DOCK2: variants seen among roughly 807,000 people sequenced by gnomAD.
DOCK2 encodes the protein dedicator of cytokinesis 2.
DOCK2 carries 87 observed loss-of-function variants against 248.9 expected under a neutral mutation model. The ratio of observed to expected loss-of-function variants is 0.35; its 90% CI spans 0.29 to 0.42. The LOEUF is 0.42. DOCK2 is among the 10% of genes least tolerant of loss of function. DOCK2 has a pLI of 1.00. For missense variants in DOCK2, 1,747 were observed against 2,300.2 expected, an observed-to-expected ratio of 0.76 and a Z score of 4.92; for synonymous variants, 805 against 821.6, an observed-to-expected ratio of 0.98 and a Z score of 0.35.
chr5:169,872,043 G>C (rs1772011457), intron 27 of DOCK2, among the ~76,000 whole-genome samples: 3 of 152,154 alleles, frequency 2.0e-5, no homozygotes, highest in African/African-American at 7.2e-5. Flanking sequence ...ATGCCAACAA[G>C]CCACTGCCAT....
intron 2 of DOCK2, among the ~76,000 whole-genome samples, chr5:169,661,617 C>G (rs187724411): frequency 1.3e-5 from 2 of 152,250 alleles, no homozygotes; most frequent in African/African-American, 4.8e-5. Flanking sequence ...CCATTTCATT[C>G]CTCCCATCCC....
intron 27 of DOCK2, among the ~76,000 whole-genome samples, chr5:169,892,222 A>G (rs1169836021): frequency 1.3e-5 from 2 of 152,038 alleles, no homozygotes; most frequent in African/African-American, 2.4e-5. Context: ...CTCAAAGCAA[A>G]CCTAAAAACC....
chr5:169,752,573 G>A (rs1164800125), intron 23 of DOCK2, among the ~76,000 whole-genome samples: 6 of 143,398 alleles, frequency 4.2e-5, no homozygotes, highest in Non-Finnish European at 8.9e-5. Flanking sequence ...ACCCTGTCTC[G>A]ACAAAAAATT....
chr5:169,789,990 T>TATTTTTAA (rs1766227195), intron 25 of DOCK2, among the ~76,000 whole-genome samples: 2 of 152,216 alleles, frequency 1.3e-5, no homozygotes, highest in Non-Finnish European at 1.5e-5. Context: ...ACACTAGGTT[T>TATTTTTAA]TAAATCTGTG....
At chr5:170,082,061 T>G in intron 51 of DOCK2, 77 bp downstream of exon 51, 1 of 1,563,396 alleles carries the variant, frequency 6.4e-7, no homozygotes, top group Non-Finnish European at 8.7e-7. Flanking sequence ...GAGAAGAAAA[T>G]GGGGGGTTGT....
At chr5:169,699,498 C>A in intron 12 of DOCK2, 40 bp downstream of exon 12, 1 of 1,580,564 alleles carries the variant, frequency 6.3e-7, no homozygotes, top group Non-Finnish European at 8.6e-7. Context: ...CCTGCTCCAG[C>A]TTGGGAGCCC....
At chr5:170,031,695 A>G (rs1756140513) in intron 34 of DOCK2, among the ~76,000 whole-genome samples, 1 of 152,200 alleles carries the variant, frequency 6.6e-6, no homozygotes, top group African/African-American at 2.4e-5. Context: ...CTAGAATGCC[A>G]CATGTTGAGT....
intron 41 of DOCK2, 129 bp downstream of exon 41, chr5:170,050,526 A>T: frequency 1.9e-6 from 2 of 1,056,562 alleles, no homozygotes; most frequent in Non-Finnish European, 2.7e-6. Flanking sequence ...ATGTTGCAGG[A>T]ACATGCAACA....
intron 32 of DOCK2, among the ~76,000 whole-genome samples, chr5:170,011,026 A>G (rs1011019602): frequency 1.6e-4 from 25 of 152,222 alleles, no homozygotes; most frequent in African/African-American, 5.8e-4. Flanking sequence ...ATCACAGAAC[A>G]TCGGAGCTGG....
Position 169,883,181 on chromosome 5 carries a change from G to A in DOCK2, c.2799+42329G>A, listed in dbSNP as rs761122238. On this transcript the variant is annotated intron_variant, in intron 27 of 51. Transcript: ENST00000520908. ...GTCACCCTTCTCCCATCACCTGGAC[G>A]TGTGTCATCCAAAGGGTGTATGGAG... 9.7e-5 allele frequency: 151 copies of A among 1,551,484 alleles called. No individual in the cohort carries two copies. Among genetic ancestry groups the A allele is most frequent in the East Asian group, 2.2e-4 (9 of 40,938 alleles).
At chr5:170,055,513 C>G in intron 42 of DOCK2, 127 bp downstream of exon 42, 2 of 822,682 alleles carry the variant, frequency 2.4e-6, no homozygotes, top group South Asian at 3.4e-5. Flanking sequence ...CAGTTTTTCC[C>G]CCCTTTTCCT....
At chr5:169,767,645 A>G (rs1561677320) in intron 25 of DOCK2, among the ~76,000 whole-genome samples, 1 of 152,304 alleles carries the variant, frequency 6.6e-6, no homozygotes, top group East Asian at 1.9e-4. Context: ...ATGAAAAGCA[A>G]CTAGCAGAGT....
At chr5:170,081,522 G>A (rs549164633) in intron 50 of DOCK2, 4 of 292,466 alleles carry the variant, frequency 1.4e-5, no homozygotes, top group East Asian at 7.1e-5. Flanking sequence ...GGAGCTGGAG[G>A]AAGAGTAAGC....
intron 27 of DOCK2, among the ~76,000 whole-genome samples, chr5:169,892,692 T>G (rs1295019092): frequency 6.6e-6 from 1 of 152,210 alleles, no homozygotes; most frequent in African/African-American, 2.4e-5. Context: ...CTCTTCATTT[T>G]TATCCTTTCT....
At chr5:169,694,077 A>G (rs1478539491) in intron 9 of DOCK2, among the ~76,000 whole-genome samples, 3 of 152,222 alleles carry the variant, frequency 2.0e-5, no homozygotes, top group Non-Finnish European at 4.4e-5. Flanking sequence ...GTCCCCAGGC[A>G]GGAAGGTGTG....
intron 27 of DOCK2, among the ~76,000 whole-genome samples, chr5:169,947,763 G>A (rs1383117989): frequency 6.6e-6 from 1 of 152,212 alleles, no homozygotes; most frequent in East Asian, 1.9e-4. Context: ...TACCTAGAGG[G>A]GAGGAGCAGG....
At chr5:169,982,702 C>T (rs1483897857) in intron 27 of DOCK2, among the ~76,000 whole-genome samples, 1 of 152,206 alleles carries the variant, frequency 6.6e-6, no homozygotes, top group Admixed American at 6.5e-5. Flanking sequence ...AAAGGAGCCA[C>T]CTGATTCTTT....
intron 15 of DOCK2, among the ~76,000 whole-genome samples, chr5:169,709,251 T>C (rs1015653076): frequency 6.6e-6 from 1 of 152,192 alleles, no homozygotes; most frequent in Non-Finnish European, 1.5e-5. Context: ...TAATTGGTAG[T>C]GGCAGGCAGC....
rs575859573 is a variant in DOCK2 at position 169,667,678 on chromosome 5, A to G, written c.128-1610A>G. Among the ~76,000 whole-genome samples, 11 of 152,304 alleles carry G rather than the reference A, an allele frequency of 7.2e-5. No individual in the cohort carries two copies. The South Asian group carries it at 1.7e-3, about 23-fold the overall frequency. Reference sequence around the variant, plus strand: ...AGCTGCTTAATCTCTGTGCCTGTCTATTTTCATTTGCAGAGCTGAAGCAGT... The same window carrying G: ...AGCTGCTTAATCTCTGTGCCTGTCTGTTTTCATTTGCAGAGCTGAAGCAGT... On this transcript the variant is annotated intron_variant, in intron 2 of 51. Transcript: ENST00000520908.
Sources: allele counts gnomAD v4.1 joint callset (sites outside exome capture counted in the v4.1 genomes callset), GRCh38; gene constraint gnomAD v4.1.1; transcripts MANE v1.5; gene names NCBI Gene and HGNC (gene_info 2026-07-23, HGNC 2026-07-21).